The following COL12A1 variants were observed in gnomAD, a reference collection of about 807,000 sequenced individuals.
COL12A1 encodes the protein collagen alpha-1(XII) chain.
Under a neutral mutation model 349.7 loss-of-function variants are expected in COL12A1, and 114 were observed. The observed-to-expected ratio is 0.33, with a 90% CI of 0.28 to 0.38. The LOEUF (loss-of-function observed/expected upper bound fraction) is 0.38. COL12A1 is among the 10% of genes least tolerant of loss of function. The probability of loss-of-function intolerance (pLI) is 1.00; values close to 1 mark genes in which losing one functional copy is unlikely to be tolerated. For synonymous variants in COL12A1, 1,369 were observed against 1,329.0 expected, an observed-to-expected ratio of 1.03 and a Z score of -0.66; for missense variants, 3,284 against 3,756.9, an observed-to-expected ratio of 0.87 and a Z score of 3.29.
chr6:75,157,790 A>T (rs1767834199), intron 14 of COL12A1, among the ~76,000 whole-genome samples: 1 of 152,098 alleles, frequency 6.6e-6, no homozygotes, highest in Admixed American at 6.6e-5. Flanking sequence ...CTAGGGAAAG[A>T]ACCACCCCAA....
chr6:75,167,520 A>T (rs1051407543), intron 13 of COL12A1, among the ~76,000 whole-genome samples: 3 of 152,204 alleles, frequency 2.0e-5, no homozygotes, highest in Non-Finnish European at 4.4e-5. Context: ...GGTAATTTTA[A>T]AACAATTTCA....
intron 31 of COL12A1, among the ~76,000 whole-genome samples, chr6:75,135,253 T>C (rs1375074564): frequency 1.3e-5 from 2 of 152,170 alleles, no homozygotes; most frequent in East Asian, 1.9e-4. Flanking sequence ...CTTAATATTA[T>C]TCTTACCTTT....
chr6:75,196,636 A>C (rs1374123577), intron 2 of COL12A1, among the ~76,000 whole-genome samples: 3 of 152,214 alleles, frequency 2.0e-5, no homozygotes, highest in Non-Finnish European at 2.9e-5. Flanking sequence ...TGTACTCATC[A>C]CTCAGTATAA....
rs1168175119 is a variant in COL12A1, at chr6:75,115,898, T to C, written c.7583A>G (p.Asn2528Ser). 6.2e-7 allele frequency: 1 copy of C among 1,613,322 alleles called. No individual in the cohort carries two copies. The highest frequency in any genetic ancestry group is 1.7e-5 in the Admixed American group (1 of 59,922). ...AGAAGCAAAATTCTTTTCTGTCAGGTTGTATGCTTCAAGCATTTTAAAACC... is the reference window on the plus strand; with the variant it reads ...AGAAGCAAAATTCTTTTCTGTCAGGCTGTATGCTTCAAGCATTTTAAAACC... Reference protein sequence around the residue: ...SPGFKMLEAYNLTEKNFASVQ... With the variant: ...SPGFKMLEAYSLTEKNFASVQ... The change falls in exon 49 of 66, where the codon AAC (asparagine) becomes AGC (serine). Residue 2528 changes from asparagine to serine, a missense_variant. By Grantham distance (46) the Asn-to-Ser change is conservative. Transcript: ENST00000322507.
chr6:75,186,360 C>T (rs1769620201), intron 8 of COL12A1, among the ~76,000 whole-genome samples: 1 of 151,868 alleles, frequency 6.6e-6, no homozygotes, highest in Admixed American at 6.6e-5. Flanking sequence ...AACAATCATA[C>T]AAAAAAAAGT....
At position 75,183,569 on chromosome 6, in the gene COL12A1, T is replaced by C. The variant is rs1392226059; in HGVS notation, c.1372A>G (p.Lys458Glu). The C allele has an allele frequency of 1.2e-6, 2 of 1,614,016 alleles. No homozygotes were observed. The highest frequency in any genetic ancestry group is 1.3e-5 in the African/African-American group (1 of 74,930). ...SYSIGIANFV[K>E]VRAFLEVLVK... ...AGAACTTCCAAAAAGGCTCTAACTTTAACAAAGTTTGCAATCCCAATGCTA... is the reference window on the plus strand; with the variant it reads ...AGAACTTCCAAAAAGGCTCTAACTTCAACAAAGTTTGCAATCCCAATGCTA... Residue 458 changes from lysine (K) to glutamate (E), a missense_variant, in exon 10 of 66, where the codon AAA (lysine) becomes GAA (glutamate). This residue lies in a region of COL12A1 where 2,601 missense variants were observed against 2,824.8 expected (regional missense o/e 0.92). Coordinates refer to ENST00000322507, the MANE Select transcript of COL12A1 (RefSeq NM_004370.6).
At position 75,085,136 on chromosome 6, in the gene COL12A1, A is replaced by G. The variant is rs750960703; in HGVS notation, c.*1411T>C. 1 of 438,334 alleles carries G rather than the reference A, an allele frequency of 2.3e-6. No homozygotes were observed. The highest frequency in any genetic ancestry group is 1.6e-5 in the South Asian group (1 of 62,032). 27.2% of individuals were successfully genotyped at this position (438,334 alleles called of 1,614,324 possible). On this transcript the variant is annotated 3_prime_UTR_variant, in exon 66 of 66. Transcript: ENST00000322507. ...GTACACTGCTCTATCTGACCTGTAA[A>G]TGAGAATTTCAACACCTCCCCCAAG...
Position 75,116,037 on chromosome 6 carries a change from C to A in COL12A1, c.7540G>T (p.Asp2514Tyr). 6.2e-7 allele frequency: 1 copy of A among 1,613,268 alleles called. No individual in the cohort carries two copies. The highest frequency in any genetic ancestry group is 1.1e-5 in the South Asian group (1 of 91,064). ...TGCTTACCTGGTGAGGTGTAGCCAT[C>A]CAAATAAATGAGAGGACAACCTGCA... is the stretch of plus-strand genomic sequence containing the variant. ...ATSSCPLIYLDGYTSPGFKML... is the reference protein window; with the variant it reads ...ATSSCPLIYLYGYTSPGFKML... Residue 2514 changes from aspartate to tyrosine, a missense_variant, in exon 48 of 66, where the codon GAT (aspartate) becomes TAT (tyrosine). By Grantham distance (160) the Asp-to-Tyr change is radical. Around this residue, in one of 2 missense-constraint regions of COL12A1, gnomAD observed 683 missense variants for 932.1 expected, o/e 0.73. Coordinates refer to ENST00000322507, the MANE Select transcript of COL12A1 (RefSeq NM_004370.6).
intron 30 of COL12A1, 152 bp from the exon 31 acceptor site, chr6:75,137,731 T>C: frequency 2.4e-6 from 2 of 847,144 alleles, no homozygotes; most frequent in Non-Finnish European, 3.6e-6. Context: ...GATTCTTAAA[T>C]GACTCCTTAG....
rs1562187564 is a variant in COL12A1, at chr6:75,133,413, G to C, written c.5674C>G (p.Pro1892Ala). The change falls in exon 34 of 66, where the codon CCC becomes GCC. Residue 1892 changes from proline to alanine, a missense_variant. Physicochemically the swap from Pro to Ala is conservative, Grantham distance 27. Around this residue, in one of 2 missense-constraint regions of COL12A1, gnomAD observed 2,601 missense variants for 2,824.8 expected, o/e 0.92. Transcript: ENST00000322507. ...AGGPEELVPIPGNTNYAILRN... is the reference protein window; with the variant it reads ...AGGPEELVPIAGNTNYAILRN... ...AGAATGGCATAATTGGTATTCCCGG[G>C]GATTGGTACCTAAAGATTTTAATAA... The C allele has an allele frequency of 6.2e-7, 1 of 1,604,936 alleles. No homozygotes were observed. Among genetic ancestry groups the C allele is most frequent in the Non-Finnish European group, 8.5e-7 (1 of 1,177,438 alleles).
intron 31 of COL12A1, among the ~76,000 whole-genome samples, chr6:75,136,228 T>G (rs1766599432): frequency 6.6e-6 from 1 of 152,210 alleles, no homozygotes; most frequent in Non-Finnish European, 1.5e-5. Flanking sequence ...GTTCTGTTTC[T>G]GAAGTTAATA....
rs371624564 is a variant in COL12A1, at chr6:75,115,912, C to T, written c.7569G>A (p.Met2523Ile). The T allele has an allele frequency of 2.7e-5, 43 of 1,612,676 alleles. No homozygotes were observed. Among genetic ancestry groups the T allele is most frequent in the Non-Finnish European group, 3.3e-5 (39 of 1,179,462 alleles). Residue 2523 changes from methionine to isoleucine, a missense_variant, in exon 49 of 66, where the codon ATG becomes ATA. Around this residue, in one of 2 missense-constraint regions of COL12A1, gnomAD observed 683 missense variants for 932.1 expected, o/e 0.73. Coordinates refer to ENST00000322507, the MANE Select transcript of COL12A1 (RefSeq NM_004370.6). Reference sequence around the variant, plus strand: ...TTTCTGTCAGGTTGTATGCTTCAAGCATTTTAAAACCTTTACATCAGAAAA... The same window carrying T: ...TTTCTGTCAGGTTGTATGCTTCAAGTATTTTAAAACCTTTACATCAGAAAA... ...LDGYTSPGFKMLEAYNLTEKN... is the reference protein window; with the variant it reads ...LDGYTSPGFKILEAYNLTEKN...
At chr6:75,089,517 C>T (rs1767657389) in intron 63 of COL12A1, among the ~76,000 whole-genome samples, 1 of 152,114 alleles carries the variant, frequency 6.6e-6, no homozygotes, top group Non-Finnish European at 1.5e-5. Context: ...TCTTTAGTAG[C>T]CCTATTAGTA....
chr6:75,173,469 C>A (rs555005563), intron 13 of COL12A1, among the ~76,000 whole-genome samples: 48 of 152,092 alleles, frequency 3.2e-4, no homozygotes, highest in Admixed American at 9.2e-4. Context: ...CTCCGCCTCT[C>A]GAGTTCAAGT....
At chr6:75,189,414 G>A in intron 6 of COL12A1, 33 bp from the exon 7 acceptor site, 1 of 1,595,062 alleles carries the variant, frequency 6.3e-7, no homozygotes, top group Non-Finnish European at 8.5e-7. Flanking sequence ...CATTTACTCT[G>A]TACTACACAA....
chr6:75,151,061 C>G (rs2149414934), intron 21 of COL12A1, 80 bp downstream of exon 21: 1 of 338,672 alleles, frequency 3.0e-6, no homozygotes, highest in Non-Finnish European at 5.9e-6. Context: ...AAATAGTGCC[C>G]TCCCCCCCAC....
intron 14 of COL12A1, among the ~76,000 whole-genome samples, chr6:75,158,939 T>G (rs1767894514): frequency 6.6e-6 from 1 of 151,980 alleles, no homozygotes; most frequent in African/African-American, 2.4e-5. Flanking sequence ...AGTGGGGGTG[T>G]AATAAATAAA....
chr6:75,095,956 G>A (rs1768007953), intron 59 of COL12A1, among the ~76,000 whole-genome samples: 1 of 152,146 alleles, frequency 6.6e-6, no homozygotes, highest in Non-Finnish European at 1.5e-5. Context: ...TGGTGGCAGA[G>A]TCTTCCCTTG....
In COL12A1 at chr6:75,088,873, C is replaced by T. The variant is rs9447441; in HGVS notation, c.9010+233G>A. Reference sequence around the variant, plus strand: ...AAAATTAGCCAGGCGTGGTGGCGGGCGCCTGTAGTCCCAGCTACTCGGGAG... The same window carrying T: ...AAAATTAGCCAGGCGTGGTGGCGGGTGCCTGTAGTCCCAGCTACTCGGGAG... On this transcript the variant is annotated intron_variant, in intron 64 of 65. Transcript: ENST00000322507. Among the ~76,000 whole-genome samples, 5,773 of 151,832 alleles carry T rather than the reference C, an allele frequency of 0.038. 373 individuals carry two copies. Among genetic ancestry groups the T allele is most frequent in the African/African-American group, 0.13 (5,416 of 41,338 alleles).
Sources: gnomAD v4.1 joint callset for allele counts (sites outside exome capture counted in the v4.1 genomes callset) on GRCh38, gnomAD v4.1.1 for gene constraint, gnomAD v4.1.1 regional missense constraint, MANE v1.5 for transcripts, NCBI Gene and HGNC (gene_info 2026-07-23, HGNC 2026-07-21) for gene names.